The following LVRN variants were observed in gnomAD, a reference collection of about 807,000 sequenced individuals.
The protein encoded by LVRN is laeverin.
A neutral mutation model predicts 111.4 loss-of-function variants in LVRN; 99 were observed. The observed-to-expected ratio is 0.89, with a 90% confidence interval of 0.76 to 1.05. The LOEUF is 1.05. Ranked by LOEUF, LVRN falls within the 50% of genes least tolerant of loss-of-function variation. LVRN has a pLI of 0.00. For missense variants in LVRN, 1,414 were observed against 1,206.8 expected, an observed-to-expected ratio of 1.17 and a Z score of -2.54; for synonymous variants, 488 against 449.5, an observed-to-expected ratio of 1.09 and a Z score of -1.08.
In LVRN at chr5:116,014,641, T is replaced by G. The variant is rs538460369; in HGVS notation, c.2450+114T>G. 7.7e-6 allele frequency: 6 copies of G among 779,772 alleles called. No homozygotes were observed. The African/African-American group carries it at 1.1e-4, about 14-fold the overall frequency. The allele number at this position is 779,772 out of a possible 1,614,324, so 48.3% of individuals were successfully genotyped here. A position where few individuals can be genotyped will look rare whatever the true frequency, so the allele number is the denominator to read the frequency against. On this transcript the variant is annotated intron_variant, in intron 16 of 19. Transcript: ENST00000357872. Reference sequence around the variant, plus strand: ...GTTTTGCTTTCACTTGGTTAGGCGCTCTCTCCTACTATTCTTTTCAAATAC... The same window carrying G: ...GTTTTGCTTTCACTTGGTTAGGCGCGCTCTCCTACTATTCTTTTCAAATAC...
At chr5:116,015,807 GT>G (rs767020585) in intron 18 of LVRN, 42 bp downstream of exon 18, 3 of 1,602,278 alleles carry the variant, frequency 1.9e-6, no homozygotes, top group South Asian at 1.1e-5. Context: ...TAGGCCACTG[GT>G]TTGGCACTGG....
intron 7 of LVRN, 134 bp downstream of exon 7, chr5:116,000,036 G>A: frequency 1.0e-6 from 1 of 1,002,952 alleles, no homozygotes; most frequent in South Asian, 1.9e-5. Context: ...TCAATACATA[G>A]GTATCAGAAA....
intron 1 of LVRN, among the ~76,000 whole-genome samples, chr5:115,972,136 A>G (rs1005525082): frequency 2.6e-5 from 4 of 152,068 alleles, no homozygotes; most frequent in African/African-American, 4.8e-5. Flanking sequence ...TCACAGATAC[A>G]CCACCAAAAG....
intron 1 of LVRN, among the ~76,000 whole-genome samples, chr5:115,982,300 G>A (rs766827975): frequency 5.9e-5 from 9 of 152,160 alleles, no homozygotes; most frequent in African/African-American, 2.2e-4. Context: ...GGGATCACAA[G>A]GGTAAGTAAT....
chr5:115,972,461 A>G (rs975223240), intron 1 of LVRN, among the ~76,000 whole-genome samples: 1 of 151,094 alleles, frequency 6.6e-6, no homozygotes, highest in African/African-American at 2.4e-5. Context: ...TCACTTCTTC[A>G]TTTAGCATCT....
Position 115,999,789 on chromosome 5 carries a change from C to T in LVRN, c.1402C>T (p.His468Tyr). 3.7e-6 allele frequency: 6 copies of T among 1,613,160 alleles called. No homozygotes were observed. The highest frequency in any genetic ancestry group is 3.4e-6 in the Non-Finnish European group (4 of 1,179,514). Residue 468 changes from histidine (H) to tyrosine (Y), a missense_variant, in exon 7 of 20, where the codon CAT becomes TAT. Transcript: ENST00000357872. ...TGAGATCTTTTTTTCTAACATTTTA[C>T]ATAATATCCTCAGAGAAGATCACGC... ...RNEIFFSNIL[H>Y]NILREDHALV... is the part of the protein sequence containing the mutation.
intron 3 of LVRN, among the ~76,000 whole-genome samples, chr5:115,987,342 T>C (rs1214352996): frequency 1.3e-5 from 2 of 152,228 alleles, no homozygotes; most frequent in Non-Finnish European, 2.9e-5. Flanking sequence ...AAAGTAGGAC[T>C]ATTAATGTTC....
chr5:116,024,043 T>C (rs1292198536), intron 19 of LVRN, among the ~76,000 whole-genome samples: 1 of 152,194 alleles, frequency 6.6e-6, no homozygotes, highest in African/African-American at 2.4e-5. Flanking sequence ...TTCTGGGTAA[T>C]GCAAATGGAT....
intron 1 of LVRN, among the ~76,000 whole-genome samples, chr5:115,970,921 T>C (rs747342060): frequency 5.3e-5 from 8 of 152,220 alleles, no homozygotes; most frequent in Non-Finnish European, 1.2e-4. Context: ...ATATTTAGTT[T>C]TTTAAGAAAC....
At chr5:115,988,828 T>G (rs1490666536) in intron 4 of LVRN, among the ~76,000 whole-genome samples, 1 of 152,082 alleles carries the variant, frequency 6.6e-6, no homozygotes, top group East Asian at 1.9e-4. Flanking sequence ...CAGCAGGAGC[T>G]CAGGCATGGA....
chr5:115,963,300 A>G lies in LVRN; in HGVS notation c.683A>G (p.Gln228Arg), dbSNP rs747475625. The change falls in exon 1 of 20, where the codon CAG (glutamine) becomes CGG (arginine). Residue 228 changes from glutamine to arginine, a missense_variant. Transcript: ENST00000357872. Reference protein sequence around the residue: ...EGLFLNVYTDQGERRALLASQ... With the variant: ...EGLFLNVYTDRGERRALLASQ... ...CTCTTCCTCAACGTCTACACCGACC[A>G]GGGCGAGCGCAGGTAAGGGCTGTAC... The G allele has an allele frequency of 2.7e-5, 43 of 1,608,716 alleles. No homozygotes were observed. Among genetic ancestry groups the G allele is most frequent in the Non-Finnish European group, 3.6e-5 (43 of 1,178,088 alleles).
intron 18 of LVRN, among the ~76,000 whole-genome samples, chr5:116,019,265 C>T (rs1561570740): frequency 6.6e-6 from 1 of 152,240 alleles, no homozygotes; most frequent in African/African-American, 2.4e-5. Flanking sequence ...TACAATGTTA[C>T]AATGACTATG....
At chr5:115,992,927 C>T (rs1242238691) in intron 5 of LVRN, among the ~76,000 whole-genome samples, 4 of 152,184 alleles carry the variant, frequency 2.6e-5, no homozygotes, top group Non-Finnish European at 4.4e-5. Context: ...ATGTTATCTT[C>T]GTAATGTGGC....
chr5:116,010,603 A>G, intron 13 of LVRN, 138 bp from the exon 14 acceptor site: 1 of 874,026 alleles, frequency 1.1e-6, no homozygotes, highest in Non-Finnish European at 1.8e-6. Flanking sequence ...ATAAGATGGG[A>G]CATTTACCTT....
At chr5:116,022,513 CT>C in intron 19 of LVRN, 47 bp downstream of exon 19, 1 of 1,296,716 alleles carries the variant, frequency 7.7e-7, no homozygotes, top group Admixed American at 2.2e-5. Flanking sequence ...TTGGAAACCA[CT>C]TTTTATGCAA....
chr5:116,020,389 C>T (rs1394691043), intron 18 of LVRN, among the ~76,000 whole-genome samples: 3 of 152,164 alleles, frequency 2.0e-5, no homozygotes, highest in Non-Finnish European at 4.4e-5. Flanking sequence ...CCGTTATCAT[C>T]TCTGTTAAAT....
intron 12 of LVRN, 190 bp from the exon 13 acceptor site, chr5:116,005,722 T>C: frequency 1.5e-6 from 1 of 661,578 alleles, no homozygotes; most frequent in African/African-American, 1.8e-5. Flanking sequence ...GGTTCATTTA[T>C]TTCAAAAACA....
chr5:116,019,581 G>A (rs1200793560), intron 18 of LVRN, among the ~76,000 whole-genome samples: 2 of 152,196 alleles, frequency 1.3e-5, no homozygotes, highest in Admixed American at 1.3e-4. Context: ...TTATGAAAAT[G>A]TTTGAATAAT....
chr5:116,000,374 T>G (rs1333016073), intron 7 of LVRN, 59 bp from the exon 8 acceptor site: 4 of 1,567,102 alleles, frequency 2.6e-6, no homozygotes, highest in Non-Finnish European at 8.8e-7. Flanking sequence ...AAATATGGAA[T>G]GTGTCAGTAT....
Sources: gnomAD v4.1 joint callset for allele counts (sites outside exome capture counted in the v4.1 genomes callset) on GRCh38, gnomAD v4.1.1 for gene constraint, MANE v1.5 for transcripts, NCBI Gene and HGNC (gene_info 2026-07-23, HGNC 2026-07-21) for gene names.